Variants in PTER observed in about 807,000 individuals in gnomAD.
PTER encodes the protein N-acetyltaurine hydrolase.
PTER carries 38 observed loss-of-function variants against 29.6 expected under a neutral mutation model. The observed-to-expected ratio is 1.28, with a 90% CI of 0.99 to 1.68. PTER has a LOEUF of 1.68. Ranked by LOEUF, PTER falls within the 40% of genes most tolerant of loss-of-function variation. The pLI, the probability that PTER is intolerant of heterozygous loss-of-function variation, is 0.00. For synonymous variants in PTER, 172 were observed against 154.5 expected (o/e 1.11, Z -0.84); for missense variants, 482 against 427.8 (o/e 1.13, Z -1.12).
intron 1 of PTER, among the ~76,000 whole-genome samples, chr10:16,476,373 C>A (rs1025148942): frequency 6.6e-6 from 1 of 152,132 alleles, no homozygotes; most frequent in African/African-American, 2.4e-5. Context: ...AGCCACCATG[C>A]CCGACCTCAT....
At chr10:16,508,357 C>G (rs751861826) in intron 4 of PTER, among the ~76,000 whole-genome samples, 3 of 152,080 alleles carry the variant, frequency 2.0e-5, no homozygotes, top group Non-Finnish European at 4.4e-5. Flanking sequence ...TGTGAGCCAC[C>G]GCGCCCGGCC....
At chr10:16,456,830 C>G (rs1170368110) in intron 1 of PTER, among the ~76,000 whole-genome samples, 1 of 122,782 alleles carries the variant, frequency 8.1e-6, no homozygotes, top group Non-Finnish European at 1.7e-5. Context: ...GTGGGAGGGA[C>G]CTGGTGGGAG....
intron 1 of PTER, among the ~76,000 whole-genome samples, chr10:16,463,416 T>G (rs1350785526): frequency 1.3e-5 from 2 of 152,140 alleles, no homozygotes; most frequent in Non-Finnish European, 2.9e-5. Flanking sequence ...TTTTCTTTTT[T>G]TTGTTGTTTT....
chr10:16,511,288 T>G lies in PTER; in HGVS notation c.*32T>G, dbSNP rs955360033. On this transcript the variant is annotated 3_prime_UTR_variant, in exon 5 of 5. Coordinates refer to ENST00000535784, the MANE Select transcript of PTER (RefSeq NM_001261836.2). ...TGCTTATGAATTCACACCTTGAGTA[T>G]AAAACTTGCAGAGAACATTCAGCGA... is the stretch of plus-strand genomic sequence containing the variant. 1.3e-6 allele frequency: 2 copies of G among 1,572,494 alleles called. No individual in the cohort carries two copies. Among genetic ancestry groups the G allele is most frequent in the Admixed American group, 1.7e-5 (1 of 59,944 alleles).
intron 1 of PTER, among the ~76,000 whole-genome samples, chr10:16,448,508 C>T (rs1834093836): frequency 6.6e-6 from 1 of 152,204 alleles, no homozygotes; most frequent in Non-Finnish European, 1.5e-5. Flanking sequence ...ACTTGTCCTT[C>T]ATCTTAAAAG....
chr10:16,511,432 A>G lies in PTER; in HGVS notation c.*176A>G. On this transcript the variant is annotated 3_prime_UTR_variant, in exon 5 of 5. Coordinates refer to ENST00000535784, the MANE Select transcript of PTER (RefSeq NM_001261836.2). ...GACCAGCTATTACAACTGTGCCTCTAGGGAGTTACTCAGCCTAATTGAGCC... is the reference window on the plus strand; with the variant it reads ...GACCAGCTATTACAACTGTGCCTCTGGGGAGTTACTCAGCCTAATTGAGCC... 1 of 618,784 alleles carries G rather than the reference A, an allele frequency of 1.6e-6. No homozygotes were observed. The highest frequency in any genetic ancestry group is 2.0e-5 in the South Asian group (1 of 50,466). 38.3% of individuals were successfully genotyped at this position (618,784 alleles called of 1,614,324 possible). A position where few individuals can be genotyped will look rare whatever the true frequency, so the allele number is the denominator to read the frequency against.
intron 1 of PTER, among the ~76,000 whole-genome samples, chr10:16,480,118 A>G (rs943164781): frequency 6.7e-6 from 1 of 149,432 alleles, no homozygotes; most frequent in African/African-American, 2.5e-5. Context: ...TAGACCTTTC[A>G]TGGTTGGGGG....
intron 1 of PTER, among the ~76,000 whole-genome samples, chr10:16,470,351 G>A (rs916253722): frequency 6.6e-6 from 1 of 152,196 alleles, no homozygotes; most frequent in African/African-American, 2.4e-5. Context: ...ATCTATCTTT[G>A]TATCTCCCAT....
chr10:16,498,961 G>T (rs1482221181), intron 3 of PTER, among the ~76,000 whole-genome samples: 1 of 152,208 alleles, frequency 6.6e-6, no homozygotes, highest in East Asian at 1.9e-4. Flanking sequence ...GATGGTGAGT[G>T]TGTCTCCGTA....
chr10:16,501,289 G>A (rs1044127642), intron 3 of PTER, among the ~76,000 whole-genome samples: 6 of 150,964 alleles, frequency 4.0e-5, no homozygotes, highest in African/African-American at 1.5e-4. Flanking sequence ...TATCCAGAGG[G>A]GGTCATATCA....
At chr10:16,455,943 T>C (rs547039390) in intron 1 of PTER, among the ~76,000 whole-genome samples, 1 of 152,334 alleles carries the variant, frequency 6.6e-6, no homozygotes, top group East Asian at 1.9e-4. Context: ...AAAAGTGTTA[T>C]TACTTTTTTT....
intron 1 of PTER, among the ~76,000 whole-genome samples, chr10:16,474,404 C>G (rs976977264): frequency 2.0e-5 from 3 of 152,136 alleles, no homozygotes; most frequent in Non-Finnish European, 4.4e-5. Context: ...ATTCTTTGTT[C>G]TAACCATTAG....
At chr10:16,449,681 A>T (rs1191237917) in intron 1 of PTER, among the ~76,000 whole-genome samples, 1 of 152,230 alleles carries the variant, frequency 6.6e-6, no homozygotes, top group East Asian at 1.9e-4. Flanking sequence ...GATCTGGCAT[A>T]CAAAGAAGAG....
intron 1 of PTER, among the ~76,000 whole-genome samples, chr10:16,463,086 G>A (rs557483982): frequency 1.5e-4 from 23 of 151,566 alleles, no homozygotes; most frequent in Non-Finnish European, 2.7e-4. Context: ...TCAGCTACTC[G>A]GGAGACTGAG....
downstream of PTER, chr10:16,514,763 T>G (rs1019195026): frequency 4.1e-5 from 57 of 1,398,316 alleles, no homozygotes; most frequent in African/African-American, 6.5e-4. Context: ...AAGTTTTCTT[T>G]TTTGCCATTC....
At chr10:16,502,155 G>A (rs1327178675) in intron 3 of PTER, among the ~76,000 whole-genome samples, 2 of 152,188 alleles carry the variant, frequency 1.3e-5, no homozygotes, top group Non-Finnish European at 2.9e-5. Context: ...GCAGAAATAA[G>A]AGTATGATCC....
chr10:16,441,173 G>A (rs887186869), intron 1 of PTER, among the ~76,000 whole-genome samples: 5 of 152,164 alleles, frequency 3.3e-5, no homozygotes, highest in Non-Finnish European at 7.4e-5. Context: ...AAGAATCAAG[G>A]CTTTCATTTT....
chr10:16,509,918 T>C (rs45555839), intron 4 of PTER, among the ~76,000 whole-genome samples: 1 of 152,114 alleles, frequency 6.6e-6, no homozygotes, highest in African/African-American at 2.4e-5. Flanking sequence ...GGCTTTGTGC[T>C]TGAGTTTTTT....
At chr10:16,447,779 G>C (rs1834069410) in intron 1 of PTER, among the ~76,000 whole-genome samples, 1 of 152,118 alleles carries the variant, frequency 6.6e-6, no homozygotes, top group Non-Finnish European at 1.5e-5. Context: ...CTGTGAACCA[G>C]ATCCTAGTCT....
Sources: gnomAD v4.1 joint callset for allele counts (sites outside exome capture counted in the v4.1 genomes callset) on GRCh38, gnomAD v4.1.1 for gene constraint, MANE v1.5 for transcripts, NCBI Gene and HGNC (gene_info 2026-07-23, HGNC 2026-07-21) for gene names.